The following CSMD1 variants were observed in gnomAD, a reference collection of about 807,000 sequenced individuals.
CSMD1 encodes the protein CUB and Sushi multiple domains 1.
Under a neutral mutation model 417.5 loss-of-function variants are expected in CSMD1, and 213 were observed. The ratio of observed to expected loss-of-function variants is 0.51; its 90% CI spans 0.46 to 0.57. CSMD1 has a LOEUF of 0.57. Among genes scored for constraint, CSMD1 ranks in the 20% least tolerant of loss-of-function variants. CSMD1 has a pLI of 0.00. For synonymous variants in CSMD1, 2,862 were observed against 1,736.8 expected (o/e 1.65, Z -16.11); for missense variants, 6,923 against 4,529.7 (o/e 1.53, Z -15.17).
intron 5 of CSMD1, among the ~76,000 whole-genome samples, chr8:3,958,153 T>C (rs191022527): frequency 6.6e-6 from 1 of 152,290 alleles, no homozygotes; most frequent in East Asian, 1.9e-4. Flanking sequence ...GAGCATTCTG[T>C]CCTTCTGGCA....
At chr8:4,450,365 CA>C (rs1175276249) in intron 2 of CSMD1, among the ~76,000 whole-genome samples, 2 of 152,100 alleles carry the variant, frequency 1.3e-5, no homozygotes, top group Non-Finnish European at 2.9e-5. Context: ...TGGTGGCTCA[CA>C]CCTGTAATCC....
At chr8:4,017,698 G>C (rs1324635881) in intron 4 of CSMD1, among the ~76,000 whole-genome samples, 2 of 151,952 alleles carry the variant, frequency 1.3e-5, no homozygotes, top group African/African-American at 2.4e-5. Context: ...AAAACTGCAT[G>C]GTCACAGGAT....
intron 50 of CSMD1, among the ~76,000 whole-genome samples, chr8:3,044,308 G>A (rs1334176284): frequency 6.6e-6 from 1 of 152,068 alleles, no homozygotes; most frequent in East Asian, 1.9e-4. Context: ...TGCATGAAAA[G>A]GTGATTGCAT....
chr8:4,350,905 G>C (rs993243232), intron 3 of CSMD1, among the ~76,000 whole-genome samples: 64 of 152,150 alleles, frequency 4.2e-4, no homozygotes, highest in African/African-American at 1.3e-3. Flanking sequence ...TTCTAAGGTG[G>C]GCCGTGCTTA....
intron 26 of CSMD1, among the ~76,000 whole-genome samples, chr8:3,249,783 G>T (rs571883415): frequency 5.3e-5 from 8 of 152,180 alleles, no homozygotes; most frequent in Non-Finnish European, 1.0e-4. Context: ...CAATTTCCAT[G>T]TCTAAACTTC....
At chr8:4,071,026 TTC>T (rs1257342816) in intron 3 of CSMD1, among the ~76,000 whole-genome samples, 2 of 152,212 alleles carry the variant, frequency 1.3e-5, no homozygotes, top group East Asian at 1.9e-4. Flanking sequence ...TTCAAGCTTT[TTC>T]TCTGTCTCTT....
intron 6 of CSMD1, among the ~76,000 whole-genome samples, chr8:3,741,920 T>G (rs1000435726): frequency 3.3e-5 from 5 of 152,192 alleles, no homozygotes; most frequent in African/African-American, 1.2e-4. Context: ...CAAACCTACT[T>G]TTTCATAATT....
Position 3,083,664 on chromosome 8 carries a change from T to A in CSMD1, c.7474+3433A>T, listed in dbSNP as rs1376093096. Among the ~76,000 whole-genome samples the A allele has an allele frequency of 1.4e-3, 114 of 80,944 alleles. 1 individual carries two copies. The South Asian group carries it at 0.016, about 12-fold the overall frequency. The allele number at this position is 80,944 out of a possible 152,430, so 53.1% of individuals were successfully genotyped here. A position where few individuals can be genotyped will look rare whatever the true frequency, so the allele number is the denominator to read the frequency against. On this transcript the variant is annotated intron_variant, in intron 49 of 69. Coordinates refer to ENST00000635120, the MANE Select transcript of CSMD1 (RefSeq NM_033225.6). Reference sequence around the variant, plus strand: ...TATATATATATTTTTTTTTTTTTTTTTTTTTTTTTTTTTTTTGGTCTCATT... The same window carrying A: ...TATATATATATTTTTTTTTTTTTTTATTTTTTTTTTTTTTTTGGTCTCATT...
chr8:4,311,827 G>A (rs60043523), intron 3 of CSMD1, among the ~76,000 whole-genome samples: 14,219 of 151,794 alleles, frequency 0.094, 2,067 homozygotes, highest in African/African-American at 0.31. Context: ...TGGAGAGTGC[G>A]AAGGAGAGGA....
At chr8:4,049,582 GCT>G (rs576996776) in intron 3 of CSMD1, among the ~76,000 whole-genome samples, 323 of 152,034 alleles carry the variant, frequency 2.1e-3, no homozygotes, top group Middle Eastern at 0.01. Flanking sequence ...ACTACTACCT[GCT>G]CTGTCTTTTT....
At chr8:4,477,657 G>C (rs1332128527) in intron 2 of CSMD1, among the ~76,000 whole-genome samples, 1 of 152,064 alleles carries the variant, frequency 6.6e-6, no homozygotes, top group Non-Finnish European at 1.5e-5. Flanking sequence ...CGTTGACTGG[G>C]TACTGGAAGT....
intron 1 of CSMD1, among the ~76,000 whole-genome samples, chr8:4,665,255 C>T (rs1003041554): frequency 2.0e-5 from 3 of 152,200 alleles, no homozygotes; most frequent in Non-Finnish European, 4.4e-5. Flanking sequence ...TTCTCTGAAA[C>T]TTCAAAGTTT....
chr8:3,501,962 C>T (rs1563099158), intron 10 of CSMD1, among the ~76,000 whole-genome samples: 3 of 152,154 alleles, frequency 2.0e-5, no homozygotes, highest in African/African-American at 7.2e-5. Context: ...ATACAACAAT[C>T]ATTGCTGATG....
chr8:3,934,949 T>C (rs1254268529), intron 5 of CSMD1, among the ~76,000 whole-genome samples: 2 of 152,132 alleles, frequency 1.3e-5, no homozygotes, highest in Non-Finnish European at 2.9e-5. Flanking sequence ...ATAAAAGTAA[T>C]ATTTACAAAA....
intron 1 of CSMD1, among the ~76,000 whole-genome samples, chr8:4,888,859 G>C (rs1803923116): frequency 6.6e-6 from 1 of 152,054 alleles, no homozygotes; most frequent in East Asian, 1.9e-4. Flanking sequence ...CAGCAACAAA[G>C]AGAGTGAAAT....
Position 3,347,660 on chromosome 8 carries a change from T to A in CSMD1, c.3474+332A>T, listed in dbSNP as rs139636702. 8.9e-4 allele frequency among the ~76,000 whole-genome samples: 135 copies of A among 152,292 alleles called. No homozygotes were observed. The East Asian group carries it at 0.017, about 20-fold the overall frequency. The stretch of plus-strand genomic sequence containing the variant: ...CATCCACTTATATTATTGTATTAAA[T>A]CCTCAAGACAGTCCAGAAAGGTAGG... On this transcript the variant is annotated intron_variant, in intron 22 of 69. Coordinates refer to ENST00000635120, the MANE Select transcript of CSMD1 (RefSeq NM_033225.6).
intron 12 of CSMD1, among the ~76,000 whole-genome samples, chr8:3,436,879 A>C (rs1174231278): frequency 6.6e-6 from 1 of 152,210 alleles, no homozygotes; most frequent in Admixed American, 6.5e-5. Context: ...GAAAACATTA[A>C]GGTAATGCCA....
At chr8:4,167,074 T>C (rs1295159701) in intron 3 of CSMD1, among the ~76,000 whole-genome samples, 1 of 152,074 alleles carries the variant, frequency 6.6e-6, no homozygotes, top group Non-Finnish European at 1.5e-5. Context: ...GAAAAAAACT[T>C]AGAATATCTG....
intron 1 of CSMD1, among the ~76,000 whole-genome samples, chr8:4,916,009 A>G (rs959546581): frequency 6.6e-6 from 1 of 152,112 alleles, no homozygotes; most frequent in African/African-American, 2.4e-5. Context: ...CAAGAGCTAC[A>G]CCTGTTGCCC....
Sources: allele counts gnomAD v4.1 joint callset (sites outside exome capture counted in the v4.1 genomes callset), GRCh38; gene constraint gnomAD v4.1.1; transcripts MANE v1.5; gene names NCBI Gene and HGNC (gene_info 2026-07-23, HGNC 2026-07-21).